The following FRMPD4 variants were observed in gnomAD, a reference collection of about 807,000 sequenced individuals.
FRMPD4 encodes the protein FERM and PDZ domain-containing protein 4.
FRMPD4 carries 22 observed loss-of-function variants against 94.1 expected under a neutral mutation model. That is an observed-to-expected ratio of 0.23 (90% CI 0.17 to 0.33). The LOEUF is 0.33. FRMPD4 is among the 10% of genes least tolerant of loss of function. The pLI, the probability that FRMPD4 is intolerant of heterozygous loss-of-function variation, is 1.00. For missense variants in FRMPD4, 1,111 were observed against 1,339.9 expected (o/e 0.83, Z 2.67); for synonymous variants, 631 against 548.6 (o/e 1.15, Z -2.10).
intron 1 of FRMPD4, among the ~76,000 whole-genome samples, chrX:12,418,366 T>TC (rs1200777605): frequency 9.8e-5 from 10 of 101,897 alleles, no homozygotes; most frequent in Non-Finnish European, 1.8e-4. Context: ...TTTTTTTTTT[T>TC]TTCTTTTTTT....
intron 3 of FRMPD4, among the ~76,000 whole-genome samples, chrX:12,124,697 T>A (rs768384633): frequency 9.0e-6 from 1 of 111,646 alleles, no homozygotes; most frequent in East Asian, 2.8e-4. Context: ...AGCAACAAAG[T>A]ATATTTAATG....
intron 1 of FRMPD4, among the ~76,000 whole-genome samples, chrX:12,315,778 A>C (rs1030570336): frequency 9.8e-5 from 11 of 111,974 alleles, no homozygotes; most frequent in African/African-American, 3.6e-4. Context: ...GTGCCTGTGG[A>C]GGACCTAAAT....
chrX:12,345,151 TG>T (rs1159962655), intron 1 of FRMPD4, among the ~76,000 whole-genome samples: 3 of 107,791 alleles, frequency 2.8e-5, no homozygotes, highest in Non-Finnish European at 5.8e-5. Flanking sequence ...GATGGATGGA[TG>T]GATGGATGGA....
intron 1 of FRMPD4, among the ~76,000 whole-genome samples, chrX:12,169,185 A>C (rs977555542): frequency 6.3e-5 from 7 of 111,930 alleles, no homozygotes; most frequent in Non-Finnish European, 9.4e-5. Context: ...AATCTAGAGG[A>C]AACAGGAAAC....
At chrX:12,044,138 T>C (rs2054773050) in intron 3 of FRMPD4, among the ~76,000 whole-genome samples, 2 of 112,439 alleles carry the variant, frequency 1.8e-5, no homozygotes, top group South Asian at 7.3e-4. Context: ...TTAGCAATAA[T>C]TTTTATAATG....
rs2056024671 is a variant in FRMPD4, at chrX:12,161,471, T to TGTC, written c.41+22459_41+22460insGTC. Among the ~76,000 whole-genome samples the TGTC allele has an allele frequency of 2.7e-5, 3 of 112,339 alleles. No homozygotes were observed. The South Asian group carries it at 1.1e-3, about 42-fold the overall frequency. ...ACTGCACCCAGCCTGTCCCAAGAAC[T>TGTC]CGATGAGCATTTTATAAACAATAGC... On this transcript the variant is annotated intron_variant, in intron 1 of 16. Coordinates refer to ENST00000675598, the MANE Select transcript of FRMPD4 (RefSeq NM_001368397.1).
chrX:12,335,683 A>G (rs1232209512), intron 1 of FRMPD4, among the ~76,000 whole-genome samples: 1 of 111,216 alleles, frequency 9.0e-6, no homozygotes, highest in Non-Finnish European at 1.9e-5. Context: ...GAGACTGAGT[A>G]TACTAGTTAC....
Position 12,004,667 on chromosome X carries a change from T to A in FRMPD4, c.95+126649T>A, listed in dbSNP as rs954149168. Among the ~76,000 whole-genome samples, 4 of 110,732 alleles carry A rather than the reference T, an allele frequency of 3.6e-5. 1 individual carries two copies. Among genetic ancestry groups the A allele is most frequent in the Non-Finnish European group, 7.6e-5 (4 of 52,883 alleles). Reference sequence around the variant, plus strand: ...AATTGTCTCTTTATATCTGAATGTTTGGTATTGTTTTCTGTCTGCTGACCT... The same window carrying A: ...AATTGTCTCTTTATATCTGAATGTTAGGTATTGTTTTCTGTCTGCTGACCT... On this transcript the variant is annotated intron_variant, in intron 3 of 18. Coordinates refer to the FRMPD4 transcript ENST00000640291.
intron 1 of FRMPD4, among the ~76,000 whole-genome samples, chrX:12,262,920 G>A (rs895276428): frequency 8.9e-6 from 1 of 111,741 alleles, no homozygotes; most frequent in Non-Finnish European, 1.9e-5. Flanking sequence ...TGGGCATGTG[G>A]GTCCTTGTAG....
In FRMPD4 at chrX:12,236,726, A is replaced by G. The variant is rs1456513604; in HGVS notation, c.41+97714A>G. Among the ~76,000 whole-genome samples, 7 of 112,257 alleles carry G rather than the reference A, an allele frequency of 6.2e-5. No homozygotes were observed. In the East Asian group the frequency reaches 1.9e-3, roughly 31 times the overall value. The stretch of plus-strand genomic sequence containing the variant: ...ATTAGAAAGCTGAAGGCCAATTCTT[A>G]TCTTGTTCGTGACTTAGGAAATACT... On this transcript the variant is annotated intron_variant, in intron 1 of 16. Coordinates refer to ENST00000675598, the MANE Select transcript of FRMPD4 (RefSeq NM_001368397.1).
At chrX:12,135,958 C>T (rs1314082091), upstream of FRMPD4, among the ~76,000 whole-genome samples, 1 of 111,267 alleles carries the variant, frequency 9.0e-6, no homozygotes, top group African/African-American at 3.3e-5. Flanking sequence ...TCGGTGGCCA[C>T]TCTTTTGGGG....
intron 1 of FRMPD4, among the ~76,000 whole-genome samples, chrX:12,257,201 C>T (rs1409362177): frequency 8.9e-6 from 1 of 112,052 alleles, no homozygotes; most frequent in Non-Finnish European, 1.9e-5. Flanking sequence ...CAATATTTGG[C>T]TGTATGATCT....
At chrX:12,720,437 C>T in intron 16 of FRMPD4, 97 bp from the exon 17 acceptor site, 1 of 947,773 alleles carries the variant, frequency 1.1e-6, no homozygotes, top group Non-Finnish European at 1.5e-6. Context: ...AGACTACAAC[C>T]TTGAGAAATG....
chrX:11,984,888 G>A (rs1346257007), intron 3 of FRMPD4, among the ~76,000 whole-genome samples: 2 of 112,288 alleles, frequency 1.8e-5, no homozygotes, highest in Non-Finnish European at 3.8e-5. Flanking sequence ...GTCTTGAATA[G>A]ACATTTCTTC....
At chrX:12,608,043 C>A (rs1306330464) in intron 2 of FRMPD4, among the ~76,000 whole-genome samples, 3 of 112,568 alleles carry the variant, frequency 2.7e-5, no homozygotes, top group African/African-American at 9.7e-5. Context: ...TTTAAATGAT[C>A]TTCTTTTACT....
At chrX:12,691,997 G>C (rs770133841) in intron 8 of FRMPD4, among the ~76,000 whole-genome samples, 2 of 111,795 alleles carry the variant, frequency 1.8e-5, no homozygotes, top group East Asian at 5.6e-4. Flanking sequence ...AAGGGGAAAT[G>C]GGCAGACATC....
intron 3 of FRMPD4, among the ~76,000 whole-genome samples, chrX:11,916,883 C>A (rs889430171): frequency 1.8e-5 from 2 of 111,466 alleles, no homozygotes; most frequent in African/African-American, 6.5e-5. Flanking sequence ...TACTAAAATG[C>A]CAGATACCTG....
chrX:12,233,413 CA>C (rs2057034509), intron 1 of FRMPD4, among the ~76,000 whole-genome samples: 1 of 111,707 alleles, frequency 9.0e-6, no homozygotes, highest in African/African-American at 3.3e-5. Flanking sequence ...AGAAGTCCTA[CA>C]TTTTATCTGG....
intron 4 of FRMPD4, among the ~76,000 whole-genome samples, chrX:12,640,101 C>G (rs1454692125): frequency 5.5e-5 from 6 of 109,468 alleles, no homozygotes; most frequent in African/African-American, 1.7e-4. Context: ...GAGTTCGAGA[C>G]CAGCCTGGGC....
Sources: allele counts gnomAD v4.1 joint callset (sites outside exome capture counted in the v4.1 genomes callset), GRCh38; gene constraint gnomAD v4.1.1; transcripts MANE v1.5; gene names NCBI Gene and HGNC (gene_info 2026-07-23, HGNC 2026-07-21).